Variants in SSU72 observed in about 807,000 individuals in gnomAD.
The protein encoded by SSU72 is SSU72 homolog, RNA polymerase II CTD phosphatase.
In SSU72, 12 loss-of-function variants were observed where a neutral mutation model predicts 22.7. That is an observed-to-expected ratio of 0.53 (90% CI 0.34 to 0.86). The LOEUF (loss-of-function observed/expected upper bound fraction) is 0.86, where lower values mean the gene tolerates loss of function less well. Ranked by LOEUF, SSU72 falls within the 40% of genes least tolerant of loss-of-function variation. The pLI is 0.02. For missense variants in SSU72, 151 were observed against 249.8 expected (o/e 0.60, Z 2.67); for synonymous variants, 116 against 98.3 (o/e 1.18, Z -1.06).
At chr1:1,548,628 G>A (rs1226032092) in intron 2 of SSU72, among the ~76,000 whole-genome samples, 9 of 151,860 alleles carry the variant, frequency 5.9e-5, no homozygotes, top group African/African-American at 2.2e-4. Flanking sequence ...TGGCAGCCAC[G>A]GGGTGGGGTG....
At chr1:1,550,418 G>A (rs1642442090) in intron 2 of SSU72, among the ~76,000 whole-genome samples, 1 of 152,226 alleles carries the variant, frequency 6.6e-6, no homozygotes, top group Non-Finnish European at 1.5e-5. Context: ...ATTTTCAGCA[G>A]ACATGAGTTT....
chr1:1,574,379 T>C (rs1223504136), intron 1 of SSU72, 99 bp downstream of exon 1: 15 of 1,330,536 alleles, frequency 1.1e-5, no homozygotes, highest in Non-Finnish European at 1.5e-5. Context: ...CCGGCCCGGC[T>C]TCCTCTCAGG....
At chr1:1,559,796 G>A (rs555057517) in intron 2 of SSU72, among the ~76,000 whole-genome samples, 148 of 151,934 alleles carry the variant, frequency 9.7e-4, no homozygotes, top group Non-Finnish European at 1.8e-3. Context: ...GTGCAACTTC[G>A]GCTCACGGCA....
intron 2 of SSU72, among the ~76,000 whole-genome samples, chr1:1,550,508 G>A (rs1642443556): frequency 6.6e-6 from 1 of 152,206 alleles, no homozygotes; most frequent in Non-Finnish European, 1.5e-5. Flanking sequence ...GACACCACAG[G>A]CCCTTTGCCA....
chr1:1,553,015 T>C (rs1406104899), intron 2 of SSU72, among the ~76,000 whole-genome samples: 3 of 114,706 alleles, frequency 2.6e-5, no homozygotes, highest in African/African-American at 1.1e-4. Flanking sequence ...AATGAGACTG[T>C]CTCAAAAAAA....
chr1:1,543,806 C>A (rs145399149), intron 4 of SSU72, 63 bp downstream of exon 4: 44,922 of 1,345,548 alleles, frequency 0.033, 2,077 homozygotes, highest in Admixed American at 0.18. Flanking sequence ...CCCTCTGTCA[C>A]GGCCTCGGTC....
chr1:1,572,640 G>A (rs985691982), intron 1 of SSU72, among the ~76,000 whole-genome samples: 4 of 150,558 alleles, frequency 2.7e-5, no homozygotes, highest in African/African-American at 7.3e-5. Context: ...TGTATTTTCA[G>A]TAGAGACGGG....
At chr1:1,548,991 G>A (rs1642425046) in intron 2 of SSU72, among the ~76,000 whole-genome samples, 1 of 152,194 alleles carries the variant, frequency 6.6e-6, no homozygotes, top group Non-Finnish European at 1.5e-5. Flanking sequence ...TTGTGCTGGA[G>A]GCCTTGGGCT....
rs1349124253 is a variant in SSU72 at position 1,542,927 on chromosome 1, T to C, written c.484-760A>G. 6.6e-6 allele frequency among the ~76,000 whole-genome samples: 1 copy of C among 152,212 alleles called. No individual in the cohort carries two copies. Among genetic ancestry groups the C allele is most frequent in the Non-Finnish European group, 1.5e-5 (1 of 68,030 alleles). The stretch of plus-strand genomic sequence containing the variant: ...GGGCCAGGCGGAGCGCAGGAGCCTC[T>C]GCGGCCACACAGCAGCTTCTCCCAG... On this transcript the variant is annotated intron_variant, in intron 4 of 4. Coordinates refer to ENST00000291386, the MANE Select transcript of SSU72 (RefSeq NM_014188.3). This position sits in a 1 kb window ranked among gnomAD's most constrained non-coding sequence, Gnocchi z 4.4.
intron 1 of SSU72, among the ~76,000 whole-genome samples, chr1:1,571,609 G>A (rs1156548391): frequency 6.6e-6 from 1 of 152,202 alleles, no homozygotes; most frequent in African/African-American, 2.4e-5. Context: ...GCACACCCAA[G>A]AATTCATTAT....
intron 2 of SSU72, among the ~76,000 whole-genome samples, chr1:1,546,860 CAAAA>C (rs1169308811): frequency 1.7e-4 from 13 of 75,162 alleles, no homozygotes; most frequent in African/African-American, 4.9e-4. Flanking sequence ...ACAACAACAA[CAAAA>C]AAAAAAAAAA....
chr1:1,564,732 G>A (rs769251701), intron 2 of SSU72, 41 bp downstream of exon 2: 10 of 1,614,224 alleles, frequency 6.2e-6, no homozygotes, highest in Non-Finnish European at 7.6e-6. Context: ...TTCCAGGGAG[G>A]ACCACACGGG....
chr1:1,551,886 C>T (rs1052146641), intron 2 of SSU72, among the ~76,000 whole-genome samples: 5 of 152,172 alleles, frequency 3.3e-5, no homozygotes, highest in Non-Finnish European at 4.4e-5. Flanking sequence ...AACAATGGCC[C>T]GGTGTGGGCA....
At chr1:1,551,435 A>G (rs991047345) in intron 2 of SSU72, among the ~76,000 whole-genome samples, 9 of 152,170 alleles carry the variant, frequency 5.9e-5, no homozygotes, top group African/African-American at 1.4e-4. Context: ...ACAGCACCCA[A>G]GCTGCTTTTG....
At chr1:1,551,663 C>T (rs74511912) in intron 2 of SSU72, among the ~76,000 whole-genome samples, 3,369 of 152,332 alleles carry the variant, frequency 0.022, 127 homozygotes, top group African/African-American at 0.076. Flanking sequence ...CTTTCTCGAC[C>T]AGGGTCCCGA....
At chr1:1,547,847 G>C (rs1015502283) in intron 2 of SSU72, among the ~76,000 whole-genome samples, 10 of 152,202 alleles carry the variant, frequency 6.6e-5, no homozygotes, top group African/African-American at 2.4e-4. Context: ...GGAGAGAGGC[G>C]CCATCGGAAC....
intron 2 of SSU72, among the ~76,000 whole-genome samples, chr1:1,556,406 G>C (rs905279824): frequency 4.6e-5 from 7 of 152,100 alleles, no homozygotes; most frequent in Non-Finnish European, 8.8e-5. Flanking sequence ...CGGACGTGGT[G>C]GGGGGCGCCC....
chr1:1,566,854 C>CAA (rs35297403), intron 1 of SSU72, among the ~76,000 whole-genome samples: 1 of 140,596 alleles, frequency 7.1e-6, no homozygotes, highest in Non-Finnish European at 1.6e-5. Flanking sequence ...GACCCTGTCT[C>CAA]AAAAAAAAAA....
In SSU72 at chr1:1,542,068, A is replaced by G. The variant is rs1212370972; in HGVS notation, c.583T>C (p.Ter195ArgextTer32). 6.3e-7 allele frequency: 1 copy of G among 1,577,614 alleles called. No individual in the cohort carries two copies. The highest frequency in any genetic ancestry group is 1.8e-5 in the Admixed American group (1 of 54,128). ...GCGGCTCCATGCGGGCGCTGGGCTC[A>G]GTAGAAGCAGACGGTGTGCAGAAAG... ...RTFLHTVCFY[*>R] Residue 195 changes from the stop codon to arginine (R), a stop_lost, in exon 5 of 5, where the codon TGA becomes CGA. Coordinates refer to ENST00000291386, the MANE Select transcript of SSU72 (RefSeq NM_014188.3). The surrounding 1 kb of genome is among the most constrained non-coding windows in gnomAD (Gnocchi z 4.4).
Sources: gnomAD v4.1 joint callset for allele counts (sites outside exome capture counted in the v4.1 genomes callset) on GRCh38, gnomAD v4.1.1 for gene constraint, Gnocchi (gnomAD v3.1) non-coding constraint, MANE v1.5 for transcripts, NCBI Gene and HGNC (gene_info 2026-07-23, HGNC 2026-07-21) for gene names.